MYO3A: variants seen among roughly 807,000 people sequenced by gnomAD.
MYO3A encodes myosin-IIIa.
Under a neutral mutation model 192.7 loss-of-function variants are expected in MYO3A, and 180 were observed. That is an observed-to-expected ratio of 0.93 (90% CI 0.83 to 1.06). The LOEUF (loss-of-function observed/expected upper bound fraction) is 1.06. Ranked by LOEUF, MYO3A falls within the 50% of genes least tolerant of loss-of-function variation. MYO3A has a pLI of 0.00. For missense variants in MYO3A, 1,896 were observed against 1,905.0 expected (o/e 1.00, Z 0.09); for synonymous variants, 628 against 645.3 (o/e 0.97, Z 0.41).
chr10:26,105,979 A>G (rs987255926), intron 17 of MYO3A, among the ~76,000 whole-genome samples: 19 of 152,048 alleles, frequency 1.2e-4, no homozygotes, highest in African/African-American at 4.3e-4. Context: ...TTTAGCCATC[A>G]ATCTATGTTT....
chr10:26,129,037 A>T (rs1185573596), intron 20 of MYO3A, among the ~76,000 whole-genome samples: 1 of 152,216 alleles, frequency 6.6e-6, no homozygotes, highest in African/African-American at 2.4e-5. Flanking sequence ...AGCTTCAAAA[A>T]ATATTCCTCC....
At position 26,070,421 on chromosome 10, in the gene MYO3A, C is replaced by T; in HGVS notation, c.1359+20C>T. The stretch of plus-strand genomic sequence containing the variant: ...GGAAAGGTATAATTTATTTTTTTCT[C>T]TGTCCCATCAGAAATATTTGTTGAA... On this transcript the variant is annotated intron_variant, in intron 14 of 34. Transcript: ENST00000642920. 6.3e-7 allele frequency: 1 copy of T among 1,588,170 alleles called. No individual in the cohort carries two copies. The highest frequency in any genetic ancestry group is 8.6e-7 in the Non-Finnish European group (1 of 1,158,858).
chr10:26,099,774 G>A (rs995174953), intron 17 of MYO3A, among the ~76,000 whole-genome samples: 1 of 152,194 alleles, frequency 6.6e-6, no homozygotes, highest in African/African-American at 2.4e-5. Context: ...CTTGATCATG[G>A]TGGATAAGCT....
At chr10:26,067,380 G>C (rs938514396) in intron 11 of MYO3A, among the ~76,000 whole-genome samples, 6 of 152,142 alleles carry the variant, frequency 3.9e-5, no homozygotes, top group African/African-American at 1.4e-4. Context: ...TAAGTTGTTA[G>C]GCCACAGATC....
chr10:25,975,884 C>T (rs749678540), intron 4 of MYO3A, among the ~76,000 whole-genome samples: 1 of 152,108 alleles, frequency 6.6e-6, no homozygotes, highest in South Asian at 2.1e-4. Flanking sequence ...ATGTGATAAA[C>T]ACAGTCAGCA....
rs558895234 is a variant in MYO3A at position 26,212,351 on chromosome 10, AT to A, written c.*399del. 96,205 of 316,940 alleles carry A rather than the reference AT, an allele frequency of 0.3. 15,092 individuals are homozygous for A. Among genetic ancestry groups the A allele is most frequent in the African/African-American group, 0.67 (31,058 of 46,134 alleles). 19.6% of individuals were successfully genotyped at this position (316,940 alleles called of 1,614,324 possible). ...TCATTTGGGGTGACTGAATTCACAG[AT>A]TTTTTTTTTTATTGGAAACGGCTTT... On this transcript the variant is annotated 3_prime_UTR_variant, in exon 35 of 35. Transcript: ENST00000642920.
intron 4 of MYO3A, among the ~76,000 whole-genome samples, chr10:25,980,776 G>A (rs540145490): frequency 6.6e-6 from 1 of 152,266 alleles, no homozygotes; most frequent in Non-Finnish European, 1.5e-5. Context: ...TAAGCAGAAA[G>A]TAAAGAGCTA....
rs997251310 is a variant in MYO3A, at chr10:26,053,273, C to A, written c.954-13702C>A. 2.0e-5 allele frequency among the ~76,000 whole-genome samples: 3 copies of A among 151,938 alleles called. No individual in the cohort carries two copies. In the East Asian group the frequency reaches 5.8e-4, roughly 29 times the overall value. ...TTAGAATATTTAATTTGTTTATAAC[C>A]AGAGTGTAAAAATAAAAATACGTTT... On this transcript the variant is annotated intron_variant, in intron 10 of 34. Coordinates refer to ENST00000642920, the MANE Select transcript of MYO3A (RefSeq NM_017433.5).
intron 10 of MYO3A, among the ~76,000 whole-genome samples, chr10:26,046,324 CTGAT>C (rs1319077583): frequency 2.0e-5 from 3 of 152,184 alleles, no homozygotes; most frequent in Non-Finnish European, 2.9e-5. Flanking sequence ...TGTTGCAAAA[CTGAT>C]TGCTTGCTTG....
chr10:26,136,273 C>T (rs1430251122), intron 20 of MYO3A, among the ~76,000 whole-genome samples: 1 of 152,162 alleles, frequency 6.6e-6, no homozygotes, highest in Non-Finnish European at 1.5e-5. Context: ...AAAACAAACA[C>T]AGGAGAATAT....
intron 14 of MYO3A, among the ~76,000 whole-genome samples, chr10:26,081,661 C>T (rs1290356130): frequency 1.3e-5 from 2 of 152,166 alleles, no homozygotes; most frequent in African/African-American, 4.8e-5. Context: ...CTCCTCTGAC[C>T]ACCCTACCAT....
chr10:25,990,464 CATA>C (rs1482558632), intron 4 of MYO3A, among the ~76,000 whole-genome samples: 1 of 148,850 alleles, frequency 6.7e-6, no homozygotes, highest in Non-Finnish European at 1.5e-5. Context: ...TTTGTAGAAT[CATA>C]ATTCTTTTTT....
chr10:26,077,238 T>TTTTTTTGTTTTG (rs1554820113), intron 14 of MYO3A, among the ~76,000 whole-genome samples: 14 of 139,166 alleles, frequency 1.0e-4, no homozygotes, highest in Non-Finnish European at 2.2e-4. Context: ...CTAAGGTTTT[T>TTTTTTTGTTTTG]TTTTTTTTTT....
chr10:26,194,810 G>C (rs964114671), intron 32 of MYO3A, among the ~76,000 whole-genome samples: 2 of 152,114 alleles, frequency 1.3e-5, no homozygotes, highest in African/African-American at 2.4e-5. Flanking sequence ...AGATCTCTCT[G>C]TAGCTCCAGA....
At chr10:25,986,543 G>T (rs1839664995) in intron 4 of MYO3A, among the ~76,000 whole-genome samples, 1 of 152,130 alleles carries the variant, frequency 6.6e-6, no homozygotes, top group South Asian at 2.1e-4. Context: ...CAAATCAGTG[G>T]CTCTGCTATA....
intron 10 of MYO3A, among the ~76,000 whole-genome samples, chr10:26,035,501 G>T (rs552525815): frequency 6.6e-6 from 1 of 152,298 alleles, no homozygotes; most frequent in Non-Finnish European, 1.5e-5. Flanking sequence ...CATGCAATCT[G>T]CCCACTTGTG....
At chr10:26,112,618 C>T (rs1241109114) in intron 17 of MYO3A, among the ~76,000 whole-genome samples, 2 of 152,214 alleles carry the variant, frequency 1.3e-5, no homozygotes, top group Admixed American at 1.3e-4. Flanking sequence ...CTCACTGTCT[C>T]TCCTGCTCTC....
At chr10:26,081,420 G>A (rs1000361451) in intron 14 of MYO3A, among the ~76,000 whole-genome samples, 19 of 152,034 alleles carry the variant, frequency 1.2e-4, no homozygotes, top group Admixed American at 3.9e-4. Context: ...CCATGCCCCC[G>A]CAACAACTCC....
intron 4 of MYO3A, among the ~76,000 whole-genome samples, chr10:25,969,238 A>T (rs1182716220): frequency 6.6e-6 from 1 of 152,166 alleles, no homozygotes; most frequent in Non-Finnish European, 1.5e-5. Flanking sequence ...CTCCATCTCT[A>T]AAAAAGGCCC....
Sources: gnomAD v4.1 joint callset for allele counts (sites outside exome capture counted in the v4.1 genomes callset) on GRCh38, gnomAD v4.1.1 for gene constraint, MANE v1.5 for transcripts, NCBI Gene and HGNC (gene_info 2026-07-23, HGNC 2026-07-21) for gene names.